Variants in FBXL17 observed in about 807,000 individuals in gnomAD.
FBXL17 encodes the protein F-box and leucine rich repeat protein 17, also known as F-box/LRR-repeat protein 17.
In FBXL17, 22 loss-of-function variants were observed where a neutral mutation model predicts 66.2. The ratio of observed to expected loss-of-function variants is 0.33; its 90% CI spans 0.24 to 0.47. The LOEUF (loss-of-function observed/expected upper bound fraction) is 0.47, where lower values mean the gene tolerates loss of function less well. Ranked by LOEUF, FBXL17 falls within the 20% of genes least tolerant of loss-of-function variation. FBXL17 has a pLI of 1.00. For missense variants in FBXL17, 878 were observed against 948.2 expected, an observed-to-expected ratio of 0.93 and a Z score of 0.97; for synonymous variants, 474 against 400.5, an observed-to-expected ratio of 1.18 and a Z score of -2.19.
chr5:108,061,977 G>T (rs286755), intron 6 of FBXL17, among the ~76,000 whole-genome samples: 112,566 of 151,834 alleles, frequency 0.74, 42,029 homozygotes, highest in East Asian at 0.93. Context: ...ATTTATTGCC[G>T]CTCCTCTGAT....
intron 6 of FBXL17, among the ~76,000 whole-genome samples, chr5:108,032,294 A>G (rs929903745): frequency 6.6e-6 from 1 of 152,116 alleles, no homozygotes; most frequent in African/African-American, 2.4e-5. Context: ...CACCTAGCAT[A>G]CAGTAAGCAA....
intron 7 of FBXL17, among the ~76,000 whole-genome samples, chr5:107,910,548 T>C (rs1368859811): frequency 1.3e-5 from 2 of 152,066 alleles, no homozygotes; most frequent in African/African-American, 2.4e-5. Flanking sequence ...AGTATATTCA[T>C]GGTCCTAGAT....
At chr5:108,077,888 A>G (rs545933200) in intron 6 of FBXL17, among the ~76,000 whole-genome samples, 51 of 152,320 alleles carry the variant, frequency 3.3e-4, no homozygotes, top group African/African-American at 1.2e-3. Context: ...TAAAGCCCTG[A>G]AAATGGAAGC....
At chr5:107,948,164 A>G (rs1463319824) in intron 7 of FBXL17, among the ~76,000 whole-genome samples, 2 of 152,194 alleles carry the variant, frequency 1.3e-5, no homozygotes, top group Non-Finnish European at 2.9e-5. Context: ...CCCTAAGAAT[A>G]AGAGGTAATA....
chr5:108,009,286 TATATATATATATATAC>T lies in FBXL17; in HGVS notation c.1822+11623_1822+11638del, dbSNP rs1411698157. Among the ~76,000 whole-genome samples, 69 of 53,772 alleles carry T rather than the reference TATATATATATATATAC, an allele frequency of 1.3e-3. 12 individuals are homozygous for T. Among genetic ancestry groups the T allele is most frequent in the African/African-American group, 6.5e-3 (53 of 8,166 alleles). The allele number at this position is 53,772 out of a possible 152,430, so 35.3% of individuals were successfully genotyped here. On this transcript the variant is annotated intron_variant, in intron 7 of 8. Coordinates refer to ENST00000542267, the MANE Select transcript of FBXL17 (RefSeq NM_001163315.3). ...TTATATATATATATATATATATATA[TATATATATATATATAC>T]ATATATACATACACATATAGTTTTG... is the stretch of plus-strand genomic sequence containing the variant.
intron 2 of FBXL17, among the ~76,000 whole-genome samples, chr5:108,365,712 G>T (rs1441846310): frequency 1.3e-5 from 2 of 152,092 alleles, no homozygotes; most frequent in Non-Finnish European, 2.9e-5. Context: ...TATCTGAAGT[G>T]TGGGTAGTCT....
chr5:108,289,282 T>C (rs1758018453), intron 4 of FBXL17, among the ~76,000 whole-genome samples: 2 of 152,188 alleles, frequency 1.3e-5, no homozygotes, highest in East Asian at 1.9e-4. Context: ...ATGATGAATA[T>C]GTAAATTTAA....
At chr5:108,036,858 A>T (rs976819283) in intron 6 of FBXL17, among the ~76,000 whole-genome samples, 1 of 152,226 alleles carries the variant, frequency 6.6e-6, no homozygotes, top group Non-Finnish European at 1.5e-5. Context: ...TATTATTCAG[A>T]ATACTACTTT....
intron 4 of FBXL17, among the ~76,000 whole-genome samples, chr5:108,348,140 G>A (rs1462781258): frequency 6.6e-6 from 1 of 152,116 alleles, no homozygotes; most frequent in Admixed American, 6.6e-5. Context: ...ACCAGTATTA[G>A]TTCACTGTCC....
chr5:107,969,407 A>G (rs1752282381), intron 7 of FBXL17, among the ~76,000 whole-genome samples: 1 of 152,214 alleles, frequency 6.6e-6, no homozygotes, highest in African/African-American at 2.4e-5. Context: ...TTTAATGGAT[A>G]CAGCCTAAAC....
At position 107,863,445 on chromosome 5, in the gene FBXL17, T is replaced by A. The variant is rs577354517; in HGVS notation, c.1966-1585A>T. 2.0e-5 allele frequency among the ~76,000 whole-genome samples: 3 copies of A among 151,434 alleles called. No homozygotes were observed. In the South Asian group the frequency reaches 6.3e-4, roughly 32 times the overall value. On this transcript the variant is annotated intron_variant, in intron 8 of 8. Coordinates refer to ENST00000542267, the MANE Select transcript of FBXL17 (RefSeq NM_001163315.3). ...CCCCTTTCACATGCCTACTTCCTAC[T>A]CATCTTTGAGTTCTTAGCTTCAATG...
chr5:108,321,738 T>C (rs1330333552), intron 4 of FBXL17, among the ~76,000 whole-genome samples: 4 of 150,984 alleles, frequency 2.6e-5, no homozygotes, highest in South Asian at 2.1e-4. Context: ...AAAAAACTTC[T>C]GCATGTCAAA....
chr5:108,246,808 A>C (rs1311246782), intron 4 of FBXL17, among the ~76,000 whole-genome samples: 1 of 152,218 alleles, frequency 6.6e-6, no homozygotes, highest in Non-Finnish European at 1.5e-5. Context: ...TGGAGGAAAT[A>C]CCTAAATTTT....
chr5:108,204,913 A>T (rs1314251088), intron 5 of FBXL17, among the ~76,000 whole-genome samples: 3 of 150,948 alleles, frequency 2.0e-5, no homozygotes, highest in Non-Finnish European at 4.4e-5. Context: ...AATATTTTGC[A>T]TTTTTTTTTC....
intron 3 of FBXL17, among the ~76,000 whole-genome samples, chr5:108,362,750 G>GTT (rs1212257839): frequency 2.0e-5 from 3 of 151,990 alleles, no homozygotes; most frequent in South Asian, 4.1e-4. Flanking sequence ...ATAAGCAACT[G>GTT]TTTTTGTAAA....
Position 108,064,833 on chromosome 5 carries a change from G to A in FBXL17, c.1746-43832C>T, listed in dbSNP as rs140008488. Among the ~76,000 whole-genome samples, 452 of 152,210 alleles carry A rather than the reference G, an allele frequency of 3.0e-3. 1 individual carries two copies. Among genetic ancestry groups the A allele is most frequent in the African/African-American group, 0.011 (438 of 41,534 alleles). On this transcript the variant is annotated intron_variant, in intron 6 of 8. Transcript: ENST00000542267. ...AAACAGTTAGGACAGCCTTCCTGCA[G>A]CTTCCTTCCAGCAGAGGATCTCATC...
At position 108,173,569 on chromosome 5, in the gene FBXL17, A is replaced by G. The variant is rs144658505; in HGVS notation, c.1745+12548T>C. On this transcript the variant is annotated intron_variant, in intron 6 of 8. Coordinates refer to ENST00000542267, the MANE Select transcript of FBXL17 (RefSeq NM_001163315.3). The stretch of plus-strand genomic sequence containing the variant: ...GACTTCCTTTAACACGTGTTTCTCT[A>G]AAAGATTCATTTGCAGAGCCACAGT... Among the ~76,000 whole-genome samples, 1,408 of 152,302 alleles carry G rather than the reference A, an allele frequency of 9.2e-3. 12 individuals carry two copies. Among genetic ancestry groups the G allele is most frequent in the Non-Finnish European group, 0.013 (907 of 68,012 alleles).
chr5:107,962,722 A>G (rs1383538175), intron 7 of FBXL17, among the ~76,000 whole-genome samples: 2 of 151,822 alleles, frequency 1.3e-5, no homozygotes, highest in African/African-American at 4.8e-5. Context: ...TTTGAAGGAG[A>G]CATGTCTATC....
chr5:108,173,935 A>G (rs144473744), intron 6 of FBXL17, among the ~76,000 whole-genome samples: 49 of 152,368 alleles, frequency 3.2e-4, no homozygotes, highest in African/African-American at 1.1e-3. Context: ...ATAGTTAATA[A>G]CAAGGAAAAC....
Sources: allele counts gnomAD v4.1 joint callset (sites outside exome capture counted in the v4.1 genomes callset), GRCh38; gene constraint gnomAD v4.1.1; transcripts MANE v1.5; gene names NCBI Gene and HGNC (gene_info 2026-07-23, HGNC 2026-07-21).